SLC36A1: variants seen among roughly 807,000 people sequenced by gnomAD.
The protein encoded by SLC36A1 is solute carrier family 36 member 1, also known as proton-coupled amino acid transporter 1.
SLC36A1 carries 30 observed loss-of-function variants against 47.5 expected under a neutral mutation model. The observed-to-expected ratio is 0.63, with a 90% CI of 0.47 to 0.86. The LOEUF (loss-of-function observed/expected upper bound fraction) is 0.86. SLC36A1 is among the 40% of genes least tolerant of loss of function. SLC36A1 has a pLI of 0.00. For missense variants in SLC36A1, 517 were observed against 606.0 expected, an observed-to-expected ratio of 0.85 and a Z score of 1.54; for synonymous variants, 255 against 249.7, an observed-to-expected ratio of 1.02 and a Z score of -0.20.
In SLC36A1 at chr5:151,488,311, T is replaced by C; in HGVS notation, c.*57T>C. ...CCTGCCCCATGTGTCCCCCGTTACC[T>C]GTCCTCAGAGCCTCAGGTATGGTCC... On this transcript the variant is annotated 3_prime_UTR_variant, in exon 11 of 11. Coordinates refer to ENST00000243389, the MANE Select transcript of SLC36A1 (RefSeq NM_078483.4). The C allele has an allele frequency of 1.9e-6, 3 of 1,580,600 alleles. No individual in the cohort carries two copies. The highest frequency in any genetic ancestry group is 2.3e-5 in the South Asian group (2 of 85,268).
chr5:151,425,964 CTCTATCTA>C, the SLC36A1 span, among the ~76,000 whole-genome samples: 2,558 of 148,156 alleles, frequency 0.017, 38 homozygotes, highest in African/African-American at 0.037. Context: ...CTCTCTCTCC[CTCTATCTA>C]TCTATCTATC....
At chr5:151,542,031 CT>C in the SLC36A1 span, among the ~76,000 whole-genome samples, 1 of 152,150 alleles carries the variant, frequency 6.6e-6, no homozygotes, top group Non-Finnish European at 1.5e-5. Flanking sequence ...ATGAGACATA[CT>C]TTTTGCAAAG....
downstream of SLC36A1, among the ~76,000 whole-genome samples, chr5:151,497,100 T>TTCTC (rs1554120345): frequency 6.6e-6 from 1 of 152,172 alleles, no homozygotes; most frequent in Non-Finnish European, 1.5e-5. Context: ...TGTCTATCTC[T>TTCTC]TTTCTTTCTT....
the SLC36A1 span, among the ~76,000 whole-genome samples, chr5:151,524,010 C>T: frequency 5.3e-5 from 8 of 152,198 alleles, 2 homozygotes; most frequent in African/African-American, 1.2e-4. Context: ...AAAATATGTC[C>T]GAAATCTCTC....
the SLC36A1 span, among the ~76,000 whole-genome samples, chr5:151,526,361 T>A: frequency 6.6e-6 from 1 of 152,246 alleles, no homozygotes; most frequent in African/African-American, 2.4e-5. Context: ...TGAACACTTA[T>A]AAATGATTTC....
the SLC36A1 span, chr5:151,537,783 G>A: frequency 1.9e-6 from 3 of 1,605,620 alleles, no homozygotes; most frequent in South Asian, 1.1e-5. Context: ...CTGCAGCTCA[G>A]GAAACCCACC....
chr5:151,404,913 T>G, the SLC36A1 span, among the ~76,000 whole-genome samples: 2 of 152,216 alleles, frequency 1.3e-5, no homozygotes, highest in African/African-American at 4.8e-5. Flanking sequence ...GTTCTCTGAA[T>G]TTCTTGCATT....
chr5:151,451,850 C>A (rs1162317408), intron 1 of SLC36A1, among the ~76,000 whole-genome samples: 1 of 152,018 alleles, frequency 6.6e-6, no homozygotes, highest in Non-Finnish European at 1.5e-5. Context: ...GCTTTGTTCG[C>A]AGGGAGATTT....
chr5:151,348,748 T>C, the SLC36A1 span, among the ~76,000 whole-genome samples: 1 of 152,228 alleles, frequency 6.6e-6, no homozygotes, highest in Non-Finnish European at 1.5e-5. Flanking sequence ...GATGTGGAAA[T>C]TGAGGCTCAG....
chr5:151,452,317 G>A (rs1753769032), intron 1 of SLC36A1: 2 of 152,220 alleles, frequency 1.3e-5, no homozygotes, highest in Non-Finnish European at 2.9e-5. Flanking sequence ...TAGCAACACA[G>A]TCTGTGTCTT....
the SLC36A1 span, chr5:151,531,560 T>C: frequency 5.6e-6 from 9 of 1,610,734 alleles, no homozygotes; most frequent in South Asian, 3.3e-5. This position sits in a 1 kb window ranked among gnomAD's most constrained non-coding sequence, Gnocchi z 5.7. Context: ...ACGCGATGCT[T>C]TGGGGCTTGG....
chr5:151,543,000 T>A, the SLC36A1 span: 1 of 1,614,040 alleles, frequency 6.2e-7, no homozygotes, highest in Admixed American at 1.7e-5. Flanking sequence ...CAATCCCAAT[T>A]TCAGACCCCT....
the SLC36A1 span, chr5:151,545,519 G>A: frequency 6.2e-7 from 1 of 1,614,210 alleles, no homozygotes; most frequent in South Asian, 1.1e-5. Flanking sequence ...GAGAATCTGG[G>A]AGGGGAATCA....
chr5:151,428,692 G>T, the SLC36A1 span, among the ~76,000 whole-genome samples: 81 of 152,174 alleles, frequency 5.3e-4, no homozygotes, highest in African/African-American at 1.9e-3. Context: ...GAGTGCAGTG[G>T]CATGATCTCG....
At chr5:151,384,642 C>A in the SLC36A1 span, among the ~76,000 whole-genome samples, 1 of 152,268 alleles carries the variant, frequency 6.6e-6, no homozygotes, top group East Asian at 1.9e-4. Flanking sequence ...GGTTATATAG[C>A]AAAACTATTC....
intron 8 of SLC36A1, among the ~76,000 whole-genome samples, chr5:151,475,153 A>C (rs1757874528): frequency 6.6e-6 from 1 of 152,224 alleles, no homozygotes; most frequent in African/African-American, 2.4e-5. Context: ...CTGCTGGGGC[A>C]GAGGCCTGAG....
At chr5:151,538,590 C>T in the SLC36A1 span, among the ~76,000 whole-genome samples, 4 of 152,330 alleles carry the variant, frequency 2.6e-5, no homozygotes, top group East Asian at 3.9e-4. Flanking sequence ...TGGCAGTGAG[C>T]CAGCCTGCAA....
chr5:151,517,899 T>G, the SLC36A1 span: 1 of 1,117,348 alleles, frequency 8.9e-7, no homozygotes, highest in Non-Finnish European at 1.3e-6. Context: ...GAAACTAGGC[T>G]GGGTGTGGGG....
chr5:151,450,436 A>G (rs1210612226), intron 1 of SLC36A1, among the ~76,000 whole-genome samples: 2 of 151,072 alleles, frequency 1.3e-5, no homozygotes, highest in African/African-American at 4.9e-5. Context: ...GCAGATGTCC[A>G]CTTACTAGCA....
Sources: allele counts gnomAD v4.1 joint callset (sites outside exome capture counted in the v4.1 genomes callset), GRCh38; gene constraint gnomAD v4.1.1; non-coding constraint Gnocchi (gnomAD v3.1); transcripts MANE v1.5; gene names NCBI Gene and HGNC (gene_info 2026-07-23, HGNC 2026-07-21).